PIK3C2A: variants seen among roughly 807,000 people sequenced by gnomAD.
The protein encoded by PIK3C2A is phosphatidylinositol 4-phosphate 3-kinase C2 domain-containing subunit alpha.
In PIK3C2A, 97 loss-of-function variants were observed where a neutral mutation model predicts 204.5. That is an observed-to-expected ratio of 0.47 (90% CI 0.40 to 0.56). The LOEUF (loss-of-function observed/expected upper bound fraction) is 0.56. PIK3C2A is among the 20% of genes least tolerant of loss of function. The pLI is 0.00. For missense variants in PIK3C2A, 1,735 were observed against 1,969.2 expected (o/e 0.88, Z 2.25); for synonymous variants, 653 against 664.4 (o/e 0.98, Z 0.26).
chr11:17,141,687 T>C (rs144202515), intron 8 of PIK3C2A, among the ~76,000 whole-genome samples: 2 of 152,324 alleles, frequency 1.3e-5, no homozygotes, highest in East Asian at 3.9e-4. Flanking sequence ...TAATCCAGGA[T>C]ATCACATTAC....
At chr11:17,139,338 C>T (rs1386390306) in intron 8 of PIK3C2A, among the ~76,000 whole-genome samples, 3 of 152,104 alleles carry the variant, frequency 2.0e-5, no homozygotes, top group Admixed American at 2.0e-4. Context: ...AATGATTCTC[C>T]TGCCTCAGCC....
intron 13 of PIK3C2A, among the ~76,000 whole-genome samples, chr11:17,123,122 T>C (rs1333536378): frequency 6.6e-6 from 1 of 152,164 alleles, no homozygotes; most frequent in Non-Finnish European, 1.5e-5. Context: ...AATAGGAAGT[T>C]TAAGAATAGT....
chr11:17,106,352 C>T (rs187823980), intron 22 of PIK3C2A, among the ~76,000 whole-genome samples: 1 of 152,196 alleles, frequency 6.6e-6, no homozygotes, highest in East Asian at 1.9e-4. Context: ...GCAGAGGTTG[C>T]AGTGAGTCAA....
Position 17,186,549 on chromosome 11 carries a change from G to A in PIK3C2A, c.-65-16743C>T, listed in dbSNP as rs749695733. ...TTTAACCTAAGAGATATAATAAAGA[G>A]ATACAATAGATTTTTAACCCCCTCT... On this transcript the variant is annotated intron_variant, in intron 1 of 32. Transcript: ENST00000691414. Among the ~76,000 whole-genome samples, 49 of 152,220 alleles carry A rather than the reference G, an allele frequency of 3.2e-4. 1 individual carries two copies. The highest frequency in any genetic ancestry group is 1.7e-3 in the South Asian group (8 of 4,818).
chr11:17,112,550 A>C, intron 21 of PIK3C2A, 24 bp downstream of exon 21: 1 of 1,166,756 alleles, frequency 8.6e-7, no homozygotes, highest in Non-Finnish European at 1.2e-6. Context: ...TTGCCATTAA[A>C]AAACAGTAAC....
intron 15 of PIK3C2A, 133 bp from the exon 16 acceptor site, chr11:17,120,107 G>A: frequency 4.0e-6 from 2 of 501,006 alleles, no homozygotes; most frequent in Non-Finnish European, 6.9e-6. Flanking sequence ...TACTAATTTG[G>A]AATAGAAAAA....
chr11:17,188,891 C>T (rs977223343), intron 1 of PIK3C2A, among the ~76,000 whole-genome samples: 5 of 146,890 alleles, frequency 3.4e-5, no homozygotes, highest in Non-Finnish European at 5.9e-5. Context: ...AAGCTCTCCA[C>T]GGCATTCCAG....
In PIK3C2A at chr11:17,118,715, T is replaced by C; in HGVS notation, c.2965A>G (p.Asn989Asp). The C allele has an allele frequency of 6.4e-7, 1 of 1,553,180 alleles. No individual in the cohort carries two copies. Among genetic ancestry groups the C allele is most frequent in the Non-Finnish European group, 8.9e-7 (1 of 1,126,626 alleles). Residue 989 changes from asparagine (N) to aspartate (D), a missense_variant, in exon 18 of 33, where the codon AAT (asparagine) becomes GAT (aspartate). Physicochemically the swap from Asn to Asp is conservative, Grantham distance 23. This residue lies in a region of PIK3C2A where 567 missense variants were observed against 576.0 expected (regional missense o/e 0.98). Coordinates refer to ENST00000691414, the MANE Select transcript of PIK3C2A (RefSeq NM_002645.4). Reference sequence around the variant, plus strand: ...AAAAGGAATTGCACTAATGAACTATTCAAGTAAATTTCATATTTCAAAGCC... The same window carrying C: ...AAAAGGAATTGCACTAATGAACTATCCAAGTAAATTTCATATTTCAAAGCC... Reference protein sequence around the residue: ...VQALKYEIYLNSSLVQFLLSR... With the variant: ...VQALKYEIYLDSSLVQFLLSR...
rs543461860 is a variant in PIK3C2A at position 17,207,146 on chromosome 11, T to C, written c.-66+702A>G. On this transcript the variant is annotated intron_variant, in intron 1 of 32. Coordinates refer to ENST00000691414, the MANE Select transcript of PIK3C2A (RefSeq NM_002645.4). ...GTCGTTTTTAAAGCCAGAAATTCAG[T>C]GAGGAAAATAAGTATGTGCCTTTTT... Among the ~76,000 whole-genome samples, 83 of 152,344 alleles carry C rather than the reference T, an allele frequency of 5.4e-4. 1 individual carries two copies. Among genetic ancestry groups the C allele is most frequent in the South Asian group, 1.9e-3 (9 of 4,830 alleles).
At chr11:17,110,120 T>C (rs1848949899) in intron 22 of PIK3C2A, among the ~76,000 whole-genome samples, 2 of 151,646 alleles carry the variant, frequency 1.3e-5, no homozygotes. Context: ...ACCTGGCTAA[T>C]TTTTGCATTT....
chr11:17,163,505 G>T (rs1850849105), intron 2 of PIK3C2A, among the ~76,000 whole-genome samples: 1 of 152,008 alleles, frequency 6.6e-6, no homozygotes, highest in South Asian at 2.1e-4. Flanking sequence ...CTGGGCTTGA[G>T]ATCCTCCTAC....
intron 22 of PIK3C2A, among the ~76,000 whole-genome samples, chr11:17,109,917 A>G (rs973159691): frequency 6.6e-6 from 1 of 152,168 alleles, no homozygotes; most frequent in African/African-American, 2.4e-5. Context: ...TGATTACTGC[A>G]AAGCATTTAT....
intron 19 of PIK3C2A, among the ~76,000 whole-genome samples, chr11:17,116,607 T>C (rs894951510): frequency 6.6e-6 from 1 of 151,934 alleles, no homozygotes. Flanking sequence ...TTTTTTTTTT[T>C]GAGACAGAGT....
Position 17,134,698 on chromosome 11 carries a change from G to T in PIK3C2A, c.2108+121C>A. On this transcript the variant is annotated intron_variant, in intron 11 of 32. Coordinates refer to ENST00000691414, the MANE Select transcript of PIK3C2A (RefSeq NM_002645.4). ...TAAAATTCTTTTTAGTAGAGATGAG[G>T]TCTCATTGCCAAGGCTGGTCTCCAA... The T allele has an allele frequency of 8.4e-6, 6 of 716,842 alleles. No homozygotes were observed. The East Asian group carries it at 1.5e-4, about 18-fold the overall frequency. 44.4% of individuals were successfully genotyped at this position (716,842 alleles called of 1,614,324 possible).
intron 5 of PIK3C2A, 93 bp downstream of exon 5, chr11:17,148,574 T>G: frequency 9.6e-7 from 1 of 1,041,586 alleles, no homozygotes; most frequent in East Asian, 2.5e-5. Flanking sequence ...TCCAATGTAT[T>G]TCTGCATTAT....
intron 1 of PIK3C2A, among the ~76,000 whole-genome samples, chr11:17,182,196 T>C (rs1851590357): frequency 6.6e-6 from 1 of 152,096 alleles, no homozygotes; most frequent in African/African-American, 2.4e-5. Flanking sequence ...CTTCCTAACC[T>C]AGTGACTGGT....
intron 3 of PIK3C2A, among the ~76,000 whole-genome samples, chr11:17,152,946 C>A (rs550405313): frequency 5.9e-4 from 90 of 152,050 alleles, no homozygotes; most frequent in African/African-American, 2.1e-3. Context: ...AGTTGAAGTC[C>A]TTGAAAACAT....
intron 1 of PIK3C2A, among the ~76,000 whole-genome samples, chr11:17,197,211 G>C (rs560081727): frequency 6.6e-6 from 1 of 151,914 alleles, no homozygotes; most frequent in Admixed American, 6.6e-5. Context: ...GTAGAGATGC[G>C]GTTTCACCAT....
intron 3 of PIK3C2A, among the ~76,000 whole-genome samples, chr11:17,151,793 T>C (rs908783271): frequency 4.6e-5 from 7 of 152,146 alleles, no homozygotes; most frequent in African/African-American, 1.7e-4. Context: ...ACTGAGTTAG[T>C]GAAGGAATAA....
Sources: allele counts gnomAD v4.1 joint callset (sites outside exome capture counted in the v4.1 genomes callset), GRCh38; gene constraint gnomAD v4.1.1; regional missense constraint gnomAD v4.1.1; transcripts MANE v1.5; gene names NCBI Gene and HGNC (gene_info 2026-07-23, HGNC 2026-07-21).